Variants in COG5 observed in about 807,000 individuals in gnomAD.
COG5 encodes component of oligomeric golgi complex 5, also known as conserved oligomeric Golgi complex subunit 5.
A neutral mutation model predicts 110.4 loss-of-function variants in COG5; 86 were observed. The observed-to-expected ratio is 0.78, with a 90% CI of 0.65 to 0.93. COG5 has a LOEUF of 0.93. Ranked by LOEUF, COG5 falls within the 40% of genes least tolerant of loss-of-function variation. The probability of loss-of-function intolerance (pLI) is 0.00; values close to 1 mark genes in which losing one functional copy is unlikely to be tolerated. For synonymous variants in COG5, 360 were observed against 334.6 expected (o/e 1.08, Z -0.83); for missense variants, 1,077 against 987.0 (o/e 1.09, Z -1.22).
In COG5 at chr7:107,298,351, C is replaced by A; in HGVS notation, c.1109-5G>T. Reference sequence around the variant, plus strand: ...CCTGCTTCAAAAACATCGAAGCTGCCAAGCAAAACAAGAACATGAATTAGA... The same window carrying A: ...CCTGCTTCAAAAACATCGAAGCTGCAAAGCAAAACAAGAACATGAATTAGA... On this transcript the variant is annotated splice_polypyrimidine_tract_variant and splice_region_variant and intron_variant, in intron 11 of 21. Coordinates refer to ENST00000297135, the MANE Select transcript of COG5 (RefSeq NM_006348.5). 6.2e-7 allele frequency: 1 copy of A among 1,605,338 alleles called. No individual in the cohort carries two copies. Among genetic ancestry groups the A allele is most frequent in the Non-Finnish European group, 8.5e-7 (1 of 1,172,892 alleles).
At chr7:107,340,604 C>T (rs1324929812) in intron 10 of COG5, among the ~76,000 whole-genome samples, 2 of 152,054 alleles carry the variant, frequency 1.3e-5, no homozygotes, top group Non-Finnish European at 2.9e-5. Flanking sequence ...GACAACATTG[C>T]TGATAAACAT....
intron 2 of COG5, among the ~76,000 whole-genome samples, chr7:107,557,634 C>A (rs2237676): frequency 0.28 from 42,346 of 152,112 alleles, 5,930 homozygotes; most frequent in East Asian, 0.33. Flanking sequence ...GCGAATGTAA[C>A]ATCCCAATTT....
In COG5 at chr7:107,558,060, T is replaced by A; in HGVS notation, c.150A>T (p.Gln50His). 3 of 1,613,862 alleles carry A rather than the reference T, an allele frequency of 1.9e-6. No homozygotes were observed. Among genetic ancestry groups the A allele is most frequent in the Non-Finnish European group, 2.5e-6 (3 of 1,179,860 alleles). ...EDFDVKTYTS[Q>H]SIHQAVIAEQ... ...CAGCAATTACAGCTTGATGAATAGA[T>A]TGAGAAGTATAAGTCTTTACATCAA... Residue 50 changes from glutamine to histidine, a missense_variant, in exon 2 of 22, where the codon CAA becomes CAT. Gln to His is a conservative substitution (Grantham distance 24). Transcript: ENST00000297135.
intron 8 of COG5, among the ~76,000 whole-genome samples, chr7:107,368,195 A>C (rs1813801472): frequency 6.6e-6 from 1 of 152,058 alleles, no homozygotes; most frequent in African/African-American, 2.4e-5. Context: ...ATTTGGAGGT[A>C]TCAATTAGGA....
At chr7:107,464,593 T>C (rs1041696526) in intron 6 of COG5, among the ~76,000 whole-genome samples, 3 of 152,150 alleles carry the variant, frequency 2.0e-5, no homozygotes, top group Admixed American at 2.0e-4. Context: ...ACCTTATCTC[T>C]GTCAACATCA....
chr7:107,348,125 CAAAA>C (rs34140927), intron 10 of COG5, among the ~76,000 whole-genome samples: 1 of 51,232 alleles, frequency 2.0e-5, no homozygotes, highest in Non-Finnish European at 3.4e-5. Context: ...GACTCCATCT[CAAAA>C]AAAAAAAAAA....
At position 107,513,562 on chromosome 7, in the gene COG5, G is replaced by T. The variant is rs1168900666; in HGVS notation, c.538+13675C>A. 2.0e-5 allele frequency among the ~76,000 whole-genome samples: 3 copies of T among 152,146 alleles called. No homozygotes were observed. In the East Asian group the frequency reaches 5.8e-4, roughly 29 times the overall value. On this transcript the variant is annotated intron_variant, in intron 6 of 21. Transcript: ENST00000297135. ...CCCATTACTGGGTATATACCCAAAG[G>T]ATTATAAATCACACTGCTATAAAGA...
chr7:107,512,616 T>C (rs2129145187), intron 6 of COG5, among the ~76,000 whole-genome samples: 1 of 152,292 alleles, frequency 6.6e-6, no homozygotes, highest in East Asian at 1.9e-4. Flanking sequence ...AGAACAAAGC[T>C]GGAGGCATCA....
At chr7:107,342,614 A>G (rs1285008297) in intron 10 of COG5, among the ~76,000 whole-genome samples, 1 of 151,884 alleles carries the variant, frequency 6.6e-6, no homozygotes, top group Non-Finnish European at 1.5e-5. Flanking sequence ...GGAAGTACAG[A>G]TTGCAGTAAG....
At chr7:107,552,251 C>G (rs1802953931) in intron 3 of COG5, among the ~76,000 whole-genome samples, 1 of 152,036 alleles carries the variant, frequency 6.6e-6, no homozygotes, top group African/African-American at 2.4e-5. Context: ...TACATGCTCT[C>G]AAAAATGCAT....
chr7:107,463,358 T>TC (rs1796114390), intron 6 of COG5, among the ~76,000 whole-genome samples: 1 of 152,176 alleles, frequency 6.6e-6, no homozygotes, highest in African/African-American at 2.4e-5. Flanking sequence ...TCTCCAGCAG[T>TC]CATGGAGCCT....
chr7:107,351,526 T>C (rs1051453289), intron 10 of COG5, among the ~76,000 whole-genome samples: 1 of 152,066 alleles, frequency 6.6e-6, no homozygotes, highest in African/African-American at 2.4e-5. Flanking sequence ...ACAGGCAACC[T>C]ACAGAATGGG....
chr7:107,201,407 T>C lies in COG5; in HGVS notation c.*2109A>G. 6.4e-7 allele frequency: 1 copy of C among 1,564,078 alleles called. No individual in the cohort carries two copies. The highest frequency in any genetic ancestry group is 1.1e-5 in the South Asian group (1 of 89,466). On this transcript the variant is annotated 3_prime_UTR_variant, in exon 22 of 22. Coordinates refer to ENST00000297135, the MANE Select transcript of COG5 (RefSeq NM_006348.5). ...AACATTCACTGAGTTTAATTTTATTTCCACAGGGCTCACAACAACATTAAA... is the reference window on the plus strand; with the variant it reads ...AACATTCACTGAGTTTAATTTTATTCCCACAGGGCTCACAACAACATTAAA...
At chr7:107,413,436 T>C (rs1389883244) in intron 6 of COG5, among the ~76,000 whole-genome samples, 2 of 151,702 alleles carry the variant, frequency 1.3e-5, no homozygotes, top group Non-Finnish European at 2.9e-5. Context: ...CAAAGGGCTC[T>C]AAGAGCTGGG....
At chr7:107,272,393 T>C (rs1181917063) in intron 14 of COG5, among the ~76,000 whole-genome samples, 2 of 152,190 alleles carry the variant, frequency 1.3e-5, no homozygotes, top group African/African-American at 2.4e-5. Context: ...TTACATATGT[T>C]GATTGATGTC....
chr7:107,207,363 G>A (rs1388632304), intron 21 of COG5, among the ~76,000 whole-genome samples: 1 of 152,188 alleles, frequency 6.6e-6, no homozygotes, highest in African/African-American at 2.4e-5. Context: ...CTTCCAGATT[G>A]TGGACCCTGG....
chr7:107,283,631 G>C lies in COG5; in HGVS notation c.1415C>G (p.Pro472Arg). 6.2e-7 allele frequency: 1 copy of C among 1,613,638 alleles called. No homozygotes were observed. The highest frequency in any genetic ancestry group is 8.5e-7 in the Non-Finnish European group (1 of 1,179,698). ...LFDPINLVFP[P>R]GGRNPPSSDE... is the part of the protein sequence containing the mutation. Reference sequence around the variant, plus strand: ...AGAGGAAGGAGGATTACGACCACCCGGGGGAAAAACCAAGTTGATAGGATC... The same window carrying C: ...AGAGGAAGGAGGATTACGACCACCCCGGGGAAAAACCAAGTTGATAGGATC... The change falls in exon 13 of 22, where the codon CCG (proline) becomes CGG (arginine). Residue 472 changes from proline to arginine, a missense_variant. Pro to Arg is a moderately radical substitution (Grantham distance 103, BLOSUM62 -2). Coordinates refer to ENST00000297135, the MANE Select transcript of COG5 (RefSeq NM_006348.5).
intron 7 of COG5, among the ~76,000 whole-genome samples, chr7:107,379,301 C>T (rs1007840678): frequency 1.3e-5 from 2 of 152,178 alleles, no homozygotes; most frequent in Non-Finnish European, 2.9e-5. Flanking sequence ...AAACCAGTAC[C>T]AGCTACTGCA....
At chr7:107,384,551 C>T (rs117217198) in intron 7 of COG5, among the ~76,000 whole-genome samples, 12 of 152,276 alleles carry the variant, frequency 7.9e-5, no homozygotes, top group Admixed American at 3.3e-4. Flanking sequence ...GCTTCACTCA[C>T]CCTTCAAACT....
Sources: gnomAD v4.1 joint callset for allele counts (sites outside exome capture counted in the v4.1 genomes callset) on GRCh38, gnomAD v4.1.1 for gene constraint, MANE v1.5 for transcripts, NCBI Gene and HGNC (gene_info 2026-07-23, HGNC 2026-07-21) for gene names.